The following ZNF777 variants were observed in gnomAD, a reference collection of about 807,000 sequenced individuals.
ZNF777 encodes zinc finger protein 777.
A neutral mutation model predicts 72.1 loss-of-function variants in ZNF777; 7 were observed. The ratio of observed to expected loss-of-function variants is 0.10; its 90% CI spans 0.06 to 0.18. The LOEUF is 0.18. Among genes scored for constraint, ZNF777 ranks in the 10% least tolerant of loss-of-function variants. The pLI is 1.00. For synonymous variants in ZNF777, 545 were observed against 483.5 expected, an observed-to-expected ratio of 1.13 and a Z score of -1.67; for missense variants, 828 against 1,128.6, an observed-to-expected ratio of 0.73 and a Z score of 3.82.
At chr7:149,450,219 G>A (rs1188493967) in intron 4 of ZNF777, among the ~76,000 whole-genome samples, 4 of 152,216 alleles carry the variant, frequency 2.6e-5, no homozygotes, top group Non-Finnish European at 5.9e-5. Context: ...GGGCTTCAGA[G>A]AGCAACCATG....
intron 4 of ZNF777, among the ~76,000 whole-genome samples, chr7:149,439,798 C>T (rs1194636379): frequency 1.3e-5 from 2 of 152,012 alleles, no homozygotes; most frequent in South Asian, 2.1e-4. Flanking sequence ...CTTAAGTTAT[C>T]CTTAGTGATT....
chr7:149,452,998 T>C (rs1799753571), intron 3 of ZNF777, among the ~76,000 whole-genome samples: 1 of 152,240 alleles, frequency 6.6e-6, no homozygotes, highest in Admixed American at 6.5e-5. Flanking sequence ...CACTGCACTG[T>C]CTTTCCAAGG....
chr7:149,438,749 C>T (rs1799460428), intron 4 of ZNF777, among the ~76,000 whole-genome samples: 1 of 152,192 alleles, frequency 6.6e-6, no homozygotes, highest in South Asian at 2.1e-4. Context: ...CATTCCCTTA[C>T]TAAGAAATCA....
chr7:149,458,557 A>G (rs1404095455), intron 1 of ZNF777, among the ~76,000 whole-genome samples: 1 of 145,408 alleles, frequency 6.9e-6, no homozygotes, highest in Non-Finnish European at 1.5e-5. Flanking sequence ...CCTCCAGTAT[A>G]GTAAACAGAG....
rs568004716 is a variant in ZNF777, at chr7:149,438,121, C to T, written c.1088-1295G>A. ...GTCTTGATCTCCTGACCTCGTGATC[C>T]GCCCGCCTCAGCCTCCCAAAGTGCT... On this transcript the variant is annotated intron_variant, in intron 4 of 5. Transcript: ENST00000247930. Among the ~76,000 whole-genome samples, 98 of 152,006 alleles carry T rather than the reference C, an allele frequency of 6.4e-4. 1 individual carries two copies. Among genetic ancestry groups the T allele is most frequent in the African/African-American group, 2.2e-3 (93 of 41,454 alleles).
chr7:149,436,878 T>C lies in ZNF777; in HGVS notation c.1088-52A>G, dbSNP rs73166011. 73,953 of 1,574,212 alleles carry C rather than the reference T, an allele frequency of 0.047. 1,945 individuals are homozygous for C. Among genetic ancestry groups the C allele is most frequent in the Non-Finnish European group, 0.054 (61,970 of 1,153,770 alleles). ...AGGAGAAAAGAACCCAGAATGTTCATGCCAACTGCCCAGGTTTCTGCAGCC... is the reference window on the plus strand; with the variant it reads ...AGGAGAAAAGAACCCAGAATGTTCACGCCAACTGCCCAGGTTTCTGCAGCC... On this transcript the variant is annotated intron_variant, in intron 4 of 5. Coordinates refer to ENST00000247930, the MANE Select transcript of ZNF777 (RefSeq NM_015694.3). The surrounding 1 kb of genome is among the most constrained non-coding windows in gnomAD (Gnocchi z 5.0).
intron 4 of ZNF777, among the ~76,000 whole-genome samples, chr7:149,447,854 G>C (rs902406780): frequency 1.3e-5 from 2 of 151,952 alleles, no homozygotes; most frequent in Non-Finnish European, 2.9e-5. Context: ...TGGTGCCCGT[G>C]CTTTCATCTG....
chr7:149,431,607 T>C lies in ZNF777; in HGVS notation c.*169A>G, dbSNP rs1400084407. The stretch of plus-strand genomic sequence containing the variant: ...CGGGGAAACGCGGCAGCAAGGGACC[T>C]GGTCTCACTGCCCCCATGTCCTTGG... On this transcript the variant is annotated 3_prime_UTR_variant, in exon 6 of 6. Transcript: ENST00000247930. 2.8e-6 allele frequency: 2 copies of C among 703,454 alleles called. No individual in the cohort carries two copies. The highest frequency in any genetic ancestry group is 1.5e-5 in the South Asian group (1 of 66,920). 43.6% of individuals were successfully genotyped at this position (703,454 alleles called of 1,614,324 possible).
chr7:149,446,198 A>G (rs1328790961), intron 4 of ZNF777, among the ~76,000 whole-genome samples: 1 of 152,124 alleles, frequency 6.6e-6, no homozygotes, highest in Non-Finnish European at 1.5e-5. Flanking sequence ...ACCAACATGG[A>G]TAAACCCCAT....
rs551130030 is a variant in ZNF777 at position 149,436,551 on chromosome 7, C to A, written c.1339+24G>T. ...GGGAGGCCTCATGGCAACCCTTCCC[C>A]GGCCGTCCCCGCCCAGCACTCACCC... On this transcript the variant is annotated intron_variant, in intron 5 of 5. Transcript: ENST00000247930. The surrounding 1 kb of genome is among the most constrained non-coding windows in gnomAD (Gnocchi z 5.0). 1.1e-5 allele frequency: 18 copies of A among 1,567,330 alleles called. No homozygotes were observed. The highest frequency in any genetic ancestry group is 3.4e-5 in the South Asian group (3 of 87,702).
rs1030371271 is a variant in ZNF777 at position 149,436,147 on chromosome 7, G to A, written c.1339+428C>T. Among the ~76,000 whole-genome samples, 3 of 152,288 alleles carry A rather than the reference G, an allele frequency of 2.0e-5. No individual in the cohort carries two copies. The highest frequency in any genetic ancestry group is 2.0e-4 in the Admixed American group (3 of 15,298). ...GACTAGGTTCGACCACAGAATGCCG[G>A]TGCTATTGTTATTTGAAAACCATGC... On this transcript the variant is annotated intron_variant, in intron 5 of 5. Transcript: ENST00000247930. This position sits in a 1 kb window ranked among gnomAD's most constrained non-coding sequence, Gnocchi z 5.0.
Position 149,432,672 on chromosome 7 carries a change from T to G in ZNF777, c.1600A>C (p.Ser534Arg), listed in dbSNP as rs754233276. 2.5e-6 allele frequency: 4 copies of G among 1,613,154 alleles called. No homozygotes were observed. Among genetic ancestry groups the G allele is most frequent in the Non-Finnish European group, 2.5e-6 (3 of 1,179,642 alleles). The change falls in exon 6 of 6, where the codon AGC (serine) becomes CGC (arginine). Residue 534 changes from serine (S) to arginine (R), a missense_variant. Physicochemically the swap from Ser to Arg is moderately radical, Grantham distance 110 (BLOSUM62 -1). Around this residue, in one of 12 missense-constraint regions of ZNF777, gnomAD observed 219 missense variants for 223.0 expected, o/e 0.98. Transcript: ENST00000247930. ...CCGCGCCGGTTCCGCTGCTGCTGGC[T>G]CGAGGCCCCGCGGTTCTCGCTCAGG... is the stretch of plus-strand genomic sequence containing the variant. ...RHLSENRGASSQQQRNRRGER... is the reference protein window; with the variant it reads ...RHLSENRGASRQQQRNRRGER...
chr7:149,442,401 A>G (rs6964849), intron 4 of ZNF777, among the ~76,000 whole-genome samples: 67,317 of 151,308 alleles, frequency 0.44, 15,073 homozygotes, highest in African/African-American at 0.49. Context: ...GTGGATCACC[A>G]GAGGTCAGGA....
chr7:149,440,665 G>GTTGT (rs1799496650), intron 4 of ZNF777, among the ~76,000 whole-genome samples: 3 of 88,396 alleles, frequency 3.4e-5, no homozygotes, highest in African/African-American at 1.6e-4. Context: ...GCAGCCTGTT[G>GTTGT]TTTTTTTGTT....
At chr7:149,457,503 A>G (rs1419701330) in intron 1 of ZNF777, among the ~76,000 whole-genome samples, 1 of 152,240 alleles carries the variant, frequency 6.6e-6, no homozygotes. Context: ...TTACAAAAAA[A>G]TTATTAGGAT....
rs532544273 is a variant in ZNF777, at chr7:149,457,894, G to A, written c.-15-1857C>T. Among the ~76,000 whole-genome samples the A allele has an allele frequency of 1.7e-3, 264 of 152,310 alleles. 1 individual carries two copies. Among genetic ancestry groups the A allele is most frequent in the African/African-American group, 6.1e-3 (255 of 41,570 alleles). On this transcript the variant is annotated intron_variant, in intron 1 of 5. Coordinates refer to ENST00000247930, the MANE Select transcript of ZNF777 (RefSeq NM_015694.3). ...ACAGGAAGACACTGGGGACAGGAGA[G>A]ACTAAGCAACTTGCCCCAGGTCACC...
chr7:149,436,567 G>A lies in ZNF777; in HGVS notation c.1339+8C>T, dbSNP rs1223109174. The A allele has an allele frequency of 6.3e-7, 1 of 1,591,868 alleles. No homozygotes were observed. ...ACCCTTCCCCGGCCGTCCCCGCCCA[G>A]CACTCACCCGTGCAGTTCCTCTGCT... On this transcript the variant is annotated splice_region_variant and intron_variant, in intron 5 of 5. Coordinates refer to ENST00000247930, the MANE Select transcript of ZNF777 (RefSeq NM_015694.3). This position sits in a 1 kb window ranked among gnomAD's most constrained non-coding sequence, Gnocchi z 5.0.
rs371517010 is a variant in ZNF777 at position 149,455,565 on chromosome 7, G to T, written c.458C>A (p.Pro153Gln). 1 of 1,613,774 alleles carries T rather than the reference G, an allele frequency of 6.2e-7. No homozygotes were observed. Among genetic ancestry groups the T allele is most frequent in the Admixed American group, 1.7e-5 (1 of 59,982 alleles). The part of the protein sequence containing the change: ...SPTVPETDMD[P>Q]LLQSPVSQKD... The stretch of plus-strand genomic sequence containing the variant: ...TTGGGAAACCGGGCTCTGGAGCAGC[G>T]GGTCCATGTCAGTCTCGGGAACTGT... The change falls in exon 2 of 6, where the codon CCG (proline) becomes CAG (glutamine). Residue 153 changes from proline to glutamine, a missense_variant. Transcript: ENST00000247930. This position sits in a 1 kb window ranked among gnomAD's most constrained non-coding sequence, Gnocchi z 4.2.
chr7:149,433,018 C>A, intron 5 of ZNF777, 86 bp from the exon 6 acceptor site: 1 of 1,425,382 alleles, frequency 7.0e-7, no homozygotes, highest in South Asian at 1.6e-5. Flanking sequence ...CTGCTTCACC[C>A]TCACCAAAAC....
Sources: gnomAD v4.1 joint callset for allele counts (sites outside exome capture counted in the v4.1 genomes callset) on GRCh38, gnomAD v4.1.1 for gene constraint, gnomAD v4.1.1 regional missense constraint, Gnocchi (gnomAD v3.1) non-coding constraint, MANE v1.5 for transcripts, NCBI Gene and HGNC (gene_info 2026-07-23, HGNC 2026-07-21) for gene names.